ABCC8: variants seen among roughly 807,000 people sequenced by gnomAD.
The protein encoded by ABCC8 is ATP binding cassette subfamily C member 8.
ABCC8 carries 137 observed loss-of-function variants against 188.0 expected under a neutral mutation model. The observed-to-expected ratio is 0.73, with a 90% CI of 0.63 to 0.84. The LOEUF is 0.84. Ranked by LOEUF, ABCC8 falls within the 40% of genes least tolerant of loss-of-function variation. The probability of loss-of-function intolerance (pLI) is 0.00; values close to 1 mark genes in which losing one functional copy is unlikely to be tolerated. For synonymous variants in ABCC8, 797 were observed against 846.5 expected, an observed-to-expected ratio of 0.94 and a Z score of 1.01; for missense variants, 1,750 against 2,072.7, an observed-to-expected ratio of 0.84 and a Z score of 3.02.
chr11:17,398,257 C>A, intron 30 of ABCC8, 82 bp downstream of exon 30: 1 of 1,549,982 alleles, frequency 6.5e-7, no homozygotes, highest in South Asian at 1.1e-5. Context: ...CCTATCCTCT[C>A]TTTCATCCCC....
intron 16 of ABCC8, among the ~76,000 whole-genome samples, chr11:17,417,890 C>T (rs1457314626): frequency 2.6e-5 from 4 of 151,950 alleles, no homozygotes; most frequent in Admixed American, 6.6e-5. Flanking sequence ...GATGGGATTA[C>T]AGGCACGTAC....
intron 16 of ABCC8, among the ~76,000 whole-genome samples, chr11:17,418,693 C>T (rs1955194370): frequency 6.6e-6 from 1 of 152,262 alleles, no homozygotes; most frequent in South Asian, 2.1e-4. Context: ...GGCCCTAACT[C>T]AGTTTGCAAC....
chr11:17,448,998 C>T (rs1170374612), intron 7 of ABCC8, among the ~76,000 whole-genome samples: 1 of 152,196 alleles, frequency 6.6e-6, no homozygotes, highest in Non-Finnish European at 1.5e-5. Flanking sequence ...ATGATCTCAG[C>T]TCACTGCAGC....
chr11:17,464,561 A>T (rs1471551450), intron 3 of ABCC8, among the ~76,000 whole-genome samples: 1 of 149,828 alleles, frequency 6.7e-6, no homozygotes, highest in South Asian at 2.1e-4. Flanking sequence ...TATGGAAAGC[A>T]TTTAGTGCAG....
intron 10 of ABCC8, among the ~76,000 whole-genome samples, chr11:17,434,041 GGGA>G (rs1269447220): frequency 6.6e-6 from 1 of 152,310 alleles, no homozygotes; most frequent in Admixed American, 6.5e-5. Flanking sequence ...GAGGAGGAGA[GGGA>G]GGAGGATGCC....
rs776973665 is a variant in ABCC8 at position 17,414,558 on chromosome 11, T to G, written c.2344A>C (p.Thr782Pro). ...ASQKPWLLNATVEENIIFESP... is the reference protein window; with the variant it reads ...ASQKPWLLNAPVEENIIFESP... Reference sequence around the variant, plus strand: ...TCAAAGATGATGTTCTCCTCCACAGTGGCATTTAGCAGCCATGGTTTCTGC... The same window carrying G: ...TCAAAGATGATGTTCTCCTCCACAGGGGCATTTAGCAGCCATGGTTTCTGC... Residue 782 changes from threonine (T) to proline (P), a missense_variant, in exon 19 of 39, where the codon ACT becomes CCT. By Grantham distance (38) the Thr-to-Pro change is conservative. Transcript: ENST00000389817. 3.1e-6 allele frequency: 5 copies of G among 1,614,220 alleles called. No homozygotes were observed. Among genetic ancestry groups the G allele is most frequent in the Non-Finnish European group, 3.4e-6 (4 of 1,180,032 alleles).
intron 14 of ABCC8, 93 bp from the exon 15 acceptor site, chr11:17,428,035 A>C: frequency 6.3e-7 from 1 of 1,585,978 alleles, no homozygotes; most frequent in South Asian, 1.1e-5. Context: ...CATGAAAGCC[A>C]AAAGACACTG....
chr11:17,402,003 G>T (rs1468913057), intron 29 of ABCC8, among the ~76,000 whole-genome samples: 3 of 152,160 alleles, frequency 2.0e-5, no homozygotes, highest in Admixed American at 6.5e-5. Flanking sequence ...CAGAATACTT[G>T]TCACGTGGAT....
chr11:17,443,335 GGTCCCTTT>G (rs1564948413), intron 8 of ABCC8, 23 bp from the exon 9 acceptor site: 15 of 1,613,952 alleles, frequency 9.3e-6, no homozygotes, highest in Non-Finnish European at 1.3e-5. Flanking sequence ...TCATGGGTCA[GGTCCCTTT>G]GACCTGATGG....
Position 17,442,713 on chromosome 11 carries a change from A to G in ABCC8, c.1630+7T>C. On this transcript the variant is annotated splice_region_variant and intron_variant, in intron 10 of 38. Transcript: ENST00000389817. ...CACCCAGGGCTGGCTGTGTGGGGTGAACTCACTGGAGATGGAGGTATAGAT... is the reference window on the plus strand; with the variant it reads ...CACCCAGGGCTGGCTGTGTGGGGTGGACTCACTGGAGATGGAGGTATAGAT... 3.1e-6 allele frequency: 5 copies of G among 1,613,278 alleles called. No homozygotes were observed. Among genetic ancestry groups the G allele is most frequent in the Admixed American group, 1.7e-5 (1 of 60,024 alleles).
At chr11:17,408,821 T>C (rs1203273031) in intron 22 of ABCC8, among the ~76,000 whole-genome samples, 1 of 152,198 alleles carries the variant, frequency 6.6e-6, no homozygotes. Flanking sequence ...GCGGCCGTCA[T>C]ACACTAAGTG....
At chr11:17,467,877 A>T (rs1253391452) in intron 3 of ABCC8, among the ~76,000 whole-genome samples, 3 of 152,270 alleles carry the variant, frequency 2.0e-5, no homozygotes, top group African/African-American at 7.2e-5. Context: ...TTTGTTCCTT[A>T]GAAAAGGACA....
At chr11:17,466,819 C>A (rs1197688989) in intron 3 of ABCC8, among the ~76,000 whole-genome samples, 2 of 151,982 alleles carry the variant, frequency 1.3e-5, no homozygotes, top group African/African-American at 4.8e-5. Context: ...GTGTACATTA[C>A]CACGCCCAGC....
At position 17,427,775 on chromosome 11, in the gene ABCC8, G is replaced by A; in HGVS notation, c.2116+92C>T. On this transcript the variant is annotated intron_variant, in intron 15 of 38. Transcript: ENST00000389817. The surrounding 1 kb of genome is among the most constrained non-coding windows in gnomAD (Gnocchi z 5.0). ...ATACACCAAGAATGAGCAGAGAGTA[G>A]GTGCTCAATAAATGCAGCTTTGTCT... The A allele has an allele frequency of 2.0e-6, 3 of 1,482,828 alleles. No homozygotes were observed. Among genetic ancestry groups the A allele is most frequent in the African/African-American group, 1.4e-5 (1 of 72,426 alleles). The allele number at this position is 1,482,828 out of a possible 1,614,324, so 91.9% of individuals were successfully genotyped here.
At chr11:17,458,141 G>C (rs1480637169) in intron 6 of ABCC8, among the ~76,000 whole-genome samples, 1 of 152,158 alleles carries the variant, frequency 6.6e-6, no homozygotes, top group East Asian at 1.9e-4. Flanking sequence ...GGACACTGGA[G>C]ACTATATTTA....
chr11:17,437,730 C>T (rs1353324684), intron 10 of ABCC8, among the ~76,000 whole-genome samples: 1 of 152,212 alleles, frequency 6.6e-6, no homozygotes, highest in Non-Finnish European at 1.5e-5. Context: ...AGCCATGCTC[C>T]CCACCAAGCC....
At chr11:17,432,443 A>G in intron 10 of ABCC8, 199 bp from the exon 11 acceptor site, 3 of 1,188,864 alleles carry the variant, frequency 2.5e-6, no homozygotes, top group Non-Finnish European at 2.3e-6. Flanking sequence ...TGTCCCAGGT[A>G]CCCCGGCCCC....
At chr11:17,474,513 G>T in intron 2 of ABCC8, among the ~76,000 whole-genome samples, 1 of 151,340 alleles carries the variant, frequency 6.6e-6, no homozygotes, top group East Asian at 1.9e-4. Flanking sequence ...ACCAAGGAAA[G>T]GTCTTATGCA....
rs370095966 is a variant in ABCC8 at position 17,470,230 on chromosome 11, G to A, written c.291-8C>T. ...TGGTGGGATTCGGTCACCCTGAGAT[G>A]GGAGAGAGAAACAGACAGGATGGGG... is the stretch of plus-strand genomic sequence containing the variant. On this transcript the variant is annotated splice_polypyrimidine_tract_variant and splice_region_variant and intron_variant, in intron 2 of 38. Transcript: ENST00000389817. 55 of 1,613,926 alleles carry A rather than the reference G, an allele frequency of 3.4e-5. No individual in the cohort carries two copies. Among genetic ancestry groups the A allele is most frequent in the Non-Finnish European group, 4.6e-5 (54 of 1,180,034 alleles).
Sources: allele counts gnomAD v4.1 joint callset (sites outside exome capture counted in the v4.1 genomes callset), GRCh38; gene constraint gnomAD v4.1.1; non-coding constraint Gnocchi (gnomAD v3.1); transcripts MANE v1.5; gene names NCBI Gene and HGNC (gene_info 2026-07-23, HGNC 2026-07-21).